The following EPHA6 variants were observed in gnomAD, a reference collection of about 807,000 sequenced individuals.
EPHA6 encodes the protein EPH receptor A6.
Under a neutral mutation model 112.0 loss-of-function variants are expected in EPHA6, and 50 were observed. The ratio of observed to expected loss-of-function variants is 0.45; its 90% CI spans 0.36 to 0.56. The LOEUF (loss-of-function observed/expected upper bound fraction) is 0.56. Among genes scored for constraint, EPHA6 ranks in the 20% least tolerant of loss-of-function variants. The pLI, the probability that EPHA6 is intolerant of heterozygous loss-of-function variation, is 0.00. For synonymous variants in EPHA6, 529 were observed against 490.7 expected (o/e 1.08, Z -1.03); for missense variants, 1,280 against 1,417.4 (o/e 0.90, Z 1.56).
In EPHA6 at chr3:97,161,035, T is replaced by C. The variant is rs2076402499; in HGVS notation, c.1115-65229T>C. 2.0e-5 allele frequency among the ~76,000 whole-genome samples: 3 copies of C among 152,308 alleles called. No individual in the cohort carries two copies. The South Asian group carries it at 6.2e-4, about 32-fold the overall frequency. ...CATGGGTATTTGAGCCGTTTCTTTA[T>C]GGAACTTACTTTGCATTCAGGGCCT... On this transcript the variant is annotated intron_variant, in intron 3 of 17. Transcript: ENST00000389672.
intron 5 of EPHA6, among the ~76,000 whole-genome samples, chr3:97,276,548 G>C (rs967959345): frequency 6.6e-6 from 1 of 152,154 alleles, no homozygotes; most frequent in Non-Finnish European, 1.5e-5. Flanking sequence ...TTGTCTCATA[G>C]TGGAGGCAAG....
chr3:97,406,901 G>C (rs2087385361), intron 6 of EPHA6, among the ~76,000 whole-genome samples: 1 of 152,062 alleles, frequency 6.6e-6, no homozygotes. Flanking sequence ...TATGTTTTCT[G>C]TTGACTGGTT....
chr3:96,892,325 A>G (rs1472606878), intron 2 of EPHA6, among the ~76,000 whole-genome samples: 4 of 151,898 alleles, frequency 2.6e-5, no homozygotes, highest in Non-Finnish European at 4.4e-5. Flanking sequence ...GGTTCAAGAG[A>G]TCCTCCTGCC....
chr3:96,953,392 G>A lies in EPHA6; in HGVS notation c.451-33938G>A, dbSNP rs532063428. Among the ~76,000 whole-genome samples the A allele has an allele frequency of 6.4e-4, 97 of 152,092 alleles. 2 individuals carry two copies. In the South Asian group the frequency reaches 0.017, roughly 27 times the overall value. ...AAAACCCAATATACATATTATCACC[G>A]TTCCTTTTTCCAGCCGTTTAAAATT... On this transcript the variant is annotated intron_variant, in intron 2 of 17. Coordinates refer to ENST00000389672, the MANE Select transcript of EPHA6 (RefSeq NM_001080448.3).
rs753142644 is a variant in EPHA6, at chr3:97,448,573, T to A, written c.1737T>A (p.His579Gln). 2 of 1,613,354 alleles carry A rather than the reference T, an allele frequency of 1.2e-6. No individual in the cohort carries two copies. Among genetic ancestry groups the A allele is most frequent in the Non-Finnish European group, 1.7e-6 (2 of 1,179,446 alleles). The change falls in exon 7 of 18, where the codon CAT becomes CAA. Residue 579 changes from histidine to glutamine, a missense_variant. His to Gln is a conservative substitution (Grantham distance 24, BLOSUM62 0). Transcript: ENST00000389672. ...CCTTTTTTTCTGTCCCCCAGGAACA[T>A]GAGCAGCTGACCTACTCTTCCACAA... ...DYEIKYYEKEHEQLTYSSTRS... is the reference protein window; with the variant it reads ...DYEIKYYEKEQEQLTYSSTRS...
intron 13 of EPHA6, among the ~76,000 whole-genome samples, chr3:97,625,153 C>T (rs2107515821): frequency 6.6e-6 from 1 of 151,584 alleles, no homozygotes; most frequent in East Asian, 1.9e-4. Flanking sequence ...TGGAGATCTT[C>T]CTCTTTCTCA....
chr3:96,852,823 G>A (rs1478111428), intron 1 of EPHA6, among the ~76,000 whole-genome samples: 1 of 151,984 alleles, frequency 6.6e-6, no homozygotes, highest in African/African-American at 2.4e-5. Context: ...TTGGGACCTT[G>A]GACAGAAGTA....
chr3:97,652,069 G>A (rs2094111010), intron 14 of EPHA6, among the ~76,000 whole-genome samples: 1 of 151,866 alleles, frequency 6.6e-6, no homozygotes, highest in Non-Finnish European at 1.5e-5. Context: ...TCCATGTTTT[G>A]CTCCCACTTA....
At chr3:97,097,412 T>G (rs1321224286) in intron 3 of EPHA6, among the ~76,000 whole-genome samples, 1 of 151,818 alleles carries the variant, frequency 6.6e-6, no homozygotes, top group Non-Finnish European at 1.5e-5. Flanking sequence ...TATACTACCT[T>G]GTAAACAAAA....
chr3:97,511,475 C>A (rs1450222397), intron 10 of EPHA6, among the ~76,000 whole-genome samples: 3 of 152,142 alleles, frequency 2.0e-5, no homozygotes, highest in Non-Finnish European at 4.4e-5. Context: ...GAGGCAACAC[C>A]CCACCCTGCT....
chr3:96,878,319 A>AG (rs1167335786), intron 2 of EPHA6, among the ~76,000 whole-genome samples: 1 of 151,820 alleles, frequency 6.6e-6, no homozygotes, highest in African/African-American at 2.4e-5. Flanking sequence ...ATAGAGAGAG[A>AG]GAGGGGGAGA....
At chr3:97,441,331 G>A (rs1247503921) in intron 6 of EPHA6, 1 of 350,578 alleles carries the variant, frequency 2.9e-6, no homozygotes, top group Non-Finnish European at 4.0e-6. Context: ...ATACTTTATT[G>A]AGAAAAACAT....
chr3:97,376,367 A>T (rs2085355749), intron 5 of EPHA6, among the ~76,000 whole-genome samples: 1 of 152,166 alleles, frequency 6.6e-6, no homozygotes, highest in Non-Finnish European at 1.5e-5. Context: ...CAGGCTTCTG[A>T]CTGTAAGATC....
At chr3:96,960,867 C>G (rs1463701289) in intron 2 of EPHA6, among the ~76,000 whole-genome samples, 1 of 152,138 alleles carries the variant, frequency 6.6e-6, no homozygotes, top group East Asian at 1.9e-4. Context: ...GGTGAATAAT[C>G]TCATATCAAT....
intron 3 of EPHA6, among the ~76,000 whole-genome samples, chr3:97,142,240 C>A (rs1195947540): frequency 1.3e-5 from 2 of 151,930 alleles, no homozygotes; most frequent in Admixed American, 1.3e-4. Context: ...GATGTTAGTT[C>A]TGCTTAGAAA....
chr3:97,186,330 T>C (rs1364617363), intron 3 of EPHA6, among the ~76,000 whole-genome samples: 1 of 152,128 alleles, frequency 6.6e-6, no homozygotes, highest in Admixed American at 6.5e-5. Flanking sequence ...GCTGGTAGCT[T>C]TACTGGTACT....
intron 11 of EPHA6, among the ~76,000 whole-genome samples, chr3:97,566,090 A>G (rs550384291): frequency 1.3e-5 from 2 of 152,188 alleles, no homozygotes; most frequent in South Asian, 4.1e-4. Context: ...TGGCACCAAC[A>G]TCTGTTTGGC....
chr3:97,370,310 T>C (rs1442984678), intron 5 of EPHA6, among the ~76,000 whole-genome samples: 2 of 152,216 alleles, frequency 1.3e-5, no homozygotes, highest in African/African-American at 4.8e-5. Flanking sequence ...TAAGCATACT[T>C]ACTATATGCC....
At chr3:97,663,867 G>A (rs925323395) in intron 14 of EPHA6, among the ~76,000 whole-genome samples, 1 of 152,162 alleles carries the variant, frequency 6.6e-6, no homozygotes, top group African/African-American at 2.4e-5. Flanking sequence ...GGATGGCTGG[G>A]TCAAATGGTA....
Sources: gnomAD v4.1 joint callset for allele counts (sites outside exome capture counted in the v4.1 genomes callset) on GRCh38, gnomAD v4.1.1 for gene constraint, MANE v1.5 for transcripts, NCBI Gene and HGNC (gene_info 2026-07-23, HGNC 2026-07-21) for gene names.